The following EPHB1 variants were observed in gnomAD, a reference collection of about 807,000 sequenced individuals.
The protein encoded by EPHB1 is ephrin type-B receptor 1.
In EPHB1, 30 loss-of-function variants were observed where a neutral mutation model predicts 94.4. The ratio of observed to expected loss-of-function variants is 0.32; its 90% CI spans 0.24 to 0.43. The LOEUF (loss-of-function observed/expected upper bound fraction) is 0.43, where lower values mean the gene tolerates loss of function less well. Ranked by LOEUF, EPHB1 falls within the 20% of genes least tolerant of loss-of-function variation. EPHB1 has a pLI of 1.00. For synonymous variants in EPHB1, 522 were observed against 489.1 expected, an observed-to-expected ratio of 1.07 and a Z score of -0.89; for missense variants, 1,055 against 1,308.3, an observed-to-expected ratio of 0.81 and a Z score of 2.99.
intron 12 of EPHB1, among the ~76,000 whole-genome samples, chr3:135,215,101 C>T (rs1299345219): frequency 6.6e-6 from 1 of 152,150 alleles, no homozygotes; most frequent in Non-Finnish European, 1.5e-5. Context: ...AAGTGCTTCC[C>T]CATCTCTCAG....
chr3:135,133,185 A>G, intron 5 of EPHB1, 136 bp downstream of exon 5: 1 of 869,678 alleles, frequency 1.1e-6, no homozygotes, highest in South Asian at 1.8e-5. Context: ...GTGTCAGGTG[A>G]TGGGCATTTG....
intron 3 of EPHB1, among the ~76,000 whole-genome samples, chr3:135,010,558 GTT>G (rs58579496): frequency 0.24 from 26,148 of 109,898 alleles, 2,937 homozygotes; most frequent in Middle Eastern, 0.39. Context: ...ATTTTTTTCT[GTT>G]TTTTTTTTTT....
At chr3:135,130,150 T>G (rs1039061621) in intron 4 of EPHB1, among the ~76,000 whole-genome samples, 1 of 152,034 alleles carries the variant, frequency 6.6e-6, no homozygotes, top group African/African-American at 2.4e-5. Flanking sequence ...ATTAGGAGGC[T>G]TTTGCAATAG....
At chr3:135,235,490 G>A (rs1943630174) in intron 12 of EPHB1, among the ~76,000 whole-genome samples, 1 of 152,180 alleles carries the variant, frequency 6.6e-6, no homozygotes, top group South Asian at 2.1e-4. Flanking sequence ...CCAGCCAGTA[G>A]CTGTGACTAA....
At chr3:135,212,678 C>A (rs1190462262) in intron 12 of EPHB1, among the ~76,000 whole-genome samples, 2 of 152,138 alleles carry the variant, frequency 1.3e-5, no homozygotes, top group Non-Finnish European at 2.9e-5. Flanking sequence ...GAATTCGTTC[C>A]CTTGGTTCCT....
In EPHB1 at chr3:134,804,560, G is replaced by C. The variant is rs141923144; in HGVS notation, c.58+8871G>C. ...GCCTGGATCTTGGTGGGTGTGTGTG[G>C]GGGGGAGGAATCAGGGCACAGCGCA... On this transcript the variant is annotated intron_variant, in intron 1 of 15. Transcript: ENST00000398015. Among the ~76,000 whole-genome samples the C allele has an allele frequency of 1.4e-3, 206 of 152,214 alleles. 2 individuals carry two copies. Among genetic ancestry groups the C allele is most frequent in the African/African-American group, 4.8e-3 (199 of 41,542 alleles).
chr3:135,228,826 TG>T (rs1322784560), intron 12 of EPHB1, among the ~76,000 whole-genome samples: 1 of 152,152 alleles, frequency 6.6e-6, no homozygotes, highest in Non-Finnish European at 1.5e-5. Context: ...GTTTTTCCTT[TG>T]GGAGATTTTT....
chr3:135,219,909 A>G (rs1245512305), intron 12 of EPHB1, among the ~76,000 whole-genome samples: 3 of 152,228 alleles, frequency 2.0e-5, no homozygotes, highest in Non-Finnish European at 2.9e-5. Context: ...TGGGCCCTAC[A>G]CAGAGCAGAA....
At chr3:135,008,432 G>C (rs1253119401) in intron 3 of EPHB1, among the ~76,000 whole-genome samples, 1 of 151,904 alleles carries the variant, frequency 6.6e-6, no homozygotes, top group East Asian at 1.9e-4. Context: ...TGGCTACAGA[G>C]TGTGTTCTTA....
intron 1 of EPHB1, among the ~76,000 whole-genome samples, chr3:134,823,660 A>G (rs1019487636): frequency 2.6e-5 from 4 of 152,180 alleles, no homozygotes; most frequent in African/African-American, 9.7e-5. Context: ...TACTCTTCCC[A>G]TGAGGCAATT....
intron 3 of EPHB1, among the ~76,000 whole-genome samples, chr3:135,038,609 G>A (rs1307307994): frequency 6.6e-6 from 1 of 152,188 alleles, no homozygotes; most frequent in Non-Finnish European, 1.5e-5. Context: ...GACCCTCGCG[G>A]TGAGTGTTAC....
At chr3:135,120,946 C>G (rs915145217) in intron 4 of EPHB1, among the ~76,000 whole-genome samples, 3 of 152,186 alleles carry the variant, frequency 2.0e-5, no homozygotes, top group African/African-American at 7.2e-5. Context: ...CCCCATCTCT[C>G]AGGAATGGTG....
intron 3 of EPHB1, among the ~76,000 whole-genome samples, chr3:135,074,304 C>A (rs573024373): frequency 6.6e-6 from 1 of 152,108 alleles, no homozygotes; most frequent in Non-Finnish European, 1.5e-5. Context: ...ATACTTGATG[C>A]ATTTCAATCA....
chr3:135,182,986 CTTTCTTTTCTTTTCT>C lies in EPHB1; in HGVS notation c.1882+3037_1882+3051del, dbSNP rs755058104. Reference sequence around the variant, plus strand: ...TTCTTTTCTCTTTTCTTTTCTTTTGCTTTCTTTTCTTTTCTTTTCTTTTCTTTTCTTTTCTTTTCT... The same window carrying C: ...TTCTTTTCTCTTTTCTTTTCTTTTGCTTTCTTTTCTTTTCTTTTCTTTTCT... On this transcript the variant is annotated intron_variant, in intron 10 of 15. Coordinates refer to ENST00000398015, the MANE Select transcript of EPHB1 (RefSeq NM_004441.5). Among the ~76,000 whole-genome samples, 1,083 of 110,598 alleles carry C rather than the reference CTTTCTTTTCTTTTCT, an allele frequency of 9.8e-3. 9 individuals carry two copies. Among genetic ancestry groups the C allele is most frequent in the Middle Eastern group, 0.038 (7 of 184 alleles). 72.6% of individuals were successfully genotyped at this position (110,598 alleles called of 152,430 possible). A position where few individuals can be genotyped will look rare whatever the true frequency, so the allele number is the denominator to read the frequency against.
intron 1 of EPHB1, among the ~76,000 whole-genome samples, chr3:134,803,911 C>G (rs184452436): frequency 6.6e-6 from 1 of 152,130 alleles, no homozygotes; most frequent in Non-Finnish European, 1.5e-5. Flanking sequence ...TGTCAATGCT[C>G]GGACCCTGTG....
At chr3:134,906,701 C>T (rs529719185) in intron 1 of EPHB1, among the ~76,000 whole-genome samples, 5 of 152,272 alleles carry the variant, frequency 3.3e-5, no homozygotes, top group South Asian at 2.1e-4. Flanking sequence ...GTTTGCCAGC[C>T]GCCAGAGCAG....
chr3:135,197,747 T>C (rs1942660884), intron 11 of EPHB1, among the ~76,000 whole-genome samples: 1 of 152,172 alleles, frequency 6.6e-6, no homozygotes, highest in African/African-American at 2.4e-5. Flanking sequence ...ATTTCTTCTC[T>C]GTACTATGTT....
At chr3:135,055,981 C>T (rs1937336145) in intron 3 of EPHB1, among the ~76,000 whole-genome samples, 1 of 152,164 alleles carries the variant, frequency 6.6e-6, no homozygotes, top group African/African-American at 2.4e-5. Flanking sequence ...GCTTCCCTCA[C>T]ACCACCCTCT....
At chr3:135,246,895 C>CCTAT (rs1327631858) in intron 13 of EPHB1, among the ~76,000 whole-genome samples, 7 of 152,134 alleles carry the variant, frequency 4.6e-5, no homozygotes, top group Admixed American at 1.3e-4. Flanking sequence ...TATCTCATGT[C>CCTAT]CTATCTCATG....
Sources: gnomAD v4.1 joint callset for allele counts (sites outside exome capture counted in the v4.1 genomes callset) on GRCh38, gnomAD v4.1.1 for gene constraint, MANE v1.5 for transcripts, NCBI Gene and HGNC (gene_info 2026-07-23, HGNC 2026-07-21) for gene names.